The following TOGARAM2 variants were observed in gnomAD, a reference collection of about 807,000 sequenced individuals.
The protein encoded by TOGARAM2 is TOG array regulator of axonemal microtubules protein 2.
TOGARAM2 carries 85 observed loss-of-function variants against 93.3 expected under a neutral mutation model. The ratio of observed to expected loss-of-function variants is 0.91; its 90% CI spans 0.76 to 1.09. TOGARAM2 has a LOEUF of 1.09. Ranked by LOEUF, TOGARAM2 falls within the 50% of genes least tolerant of loss-of-function variation. The pLI, the probability that TOGARAM2 is intolerant of heterozygous loss-of-function variation, is 0.00. For missense variants in TOGARAM2, 1,277 were observed against 1,334.5 expected (o/e 0.96, Z 0.67); for synonymous variants, 593 against 552.8 (o/e 1.07, Z -1.02).
chr2:28,990,503 C>A (rs950949341), intron 1 of TOGARAM2, among the ~76,000 whole-genome samples: 5 of 152,224 alleles, frequency 3.3e-5, no homozygotes, highest in Non-Finnish European at 5.9e-5. Flanking sequence ...TGCCAGACCC[C>A]AGACTCACAG....
chr2:29,010,120 C>A (rs1310058872), intron 6 of TOGARAM2, among the ~76,000 whole-genome samples: 1 of 152,030 alleles, frequency 6.6e-6, no homozygotes, highest in Non-Finnish European at 1.5e-5. Flanking sequence ...GAGGCATAAG[C>A]ATTGGGGTTT....
chr2:28,961,527 G>A (rs1241087767), intron 1 of TOGARAM2, among the ~76,000 whole-genome samples: 1 of 152,090 alleles, frequency 6.6e-6, no homozygotes, highest in Non-Finnish European at 1.5e-5. Context: ...TTTTAGTAGA[G>A]ATGGGGTTTT....
intron 6 of TOGARAM2, among the ~76,000 whole-genome samples, chr2:29,005,705 ATGTG>A: frequency 7.8e-6 from 1 of 128,296 alleles, no homozygotes; most frequent in African/African-American, 3.0e-5. Context: ...GAGTGCGTGC[ATGTG>A]TGAGTGCATG....
At chr2:28,988,409 A>G (rs188657356) in intron 1 of TOGARAM2, among the ~76,000 whole-genome samples, 124 of 151,800 alleles carry the variant, frequency 8.2e-4, no homozygotes, top group African/African-American at 2.8e-3. Context: ...CCTCTGTAGG[A>G]CCCTTGGCTC....
At chr2:28,985,213 C>A (rs1190797320) in intron 1 of TOGARAM2, among the ~76,000 whole-genome samples, 1 of 152,110 alleles carries the variant, frequency 6.6e-6, no homozygotes, top group Non-Finnish European at 1.5e-5. Flanking sequence ...TCTCTCTCTG[C>A]CATGTGAGGA....
At chr2:28,975,433 C>A (rs1672013842) in intron 1 of TOGARAM2, among the ~76,000 whole-genome samples, 1 of 152,104 alleles carries the variant, frequency 6.6e-6, no homozygotes, top group African/African-American at 2.4e-5. Flanking sequence ...CGTGATCTGC[C>A]CGCCTCGGCC....
rs114193903 is a variant in TOGARAM2 at position 29,001,902 on chromosome 2, C to T, written c.428-634C>T. On this transcript the variant is annotated intron_variant, in intron 4 of 19. Transcript: ENST00000379558. ...CATCACTGATATTTACAAAGATAACCCTGAGCTCTTGGCCCAACCCAGTGC... is the reference window on the plus strand; with the variant it reads ...CATCACTGATATTTACAAAGATAACTCTGAGCTCTTGGCCCAACCCAGTGC... Among the ~76,000 whole-genome samples the T allele has an allele frequency of 2.1e-3, 326 of 151,990 alleles. 3 individuals are homozygous for T. The highest frequency in any genetic ancestry group is 7.6e-3 in the African/African-American group (313 of 41,422).
chr2:29,025,124 C>T (rs570981249), intron 13 of TOGARAM2, among the ~76,000 whole-genome samples: 2 of 152,262 alleles, frequency 1.3e-5, no homozygotes, highest in Admixed American at 1.3e-4. Flanking sequence ...AGCTGGGAGA[C>T]CTTTAGTAAT....
chr2:29,004,091 G>A (rs1259523065), intron 6 of TOGARAM2, among the ~76,000 whole-genome samples: 3 of 152,184 alleles, frequency 2.0e-5, no homozygotes, highest in African/African-American at 7.2e-5. Flanking sequence ...CGCCTCCCGG[G>A]TTCAAGCGAT....
intron 14 of TOGARAM2, among the ~76,000 whole-genome samples, chr2:29,030,853 A>G (rs184501175): frequency 2.6e-5 from 4 of 152,200 alleles, no homozygotes; most frequent in East Asian, 1.9e-4. Context: ...ATCAGTCCCC[A>G]TTTCTAAAGC....
intron 19 of TOGARAM2, chr2:29,045,936 GA>G (rs922572040): frequency 2.4e-5 from 4 of 166,734 alleles, no homozygotes; most frequent in African/African-American, 9.6e-5. Flanking sequence ...GTGTGAGTCA[GA>G]AAAAAGCCTC....
At chr2:28,973,441 C>CCTTTCCTTCCTTCCCTTCCCCTTCCCT (rs1558394769) in intron 1 of TOGARAM2, among the ~76,000 whole-genome samples, 1 of 39,068 alleles carries the variant, frequency 2.6e-5, no homozygotes, top group African/African-American at 7.7e-5. Flanking sequence ...CCTTCCCTTC[C>CCTTTCCTTCCTTCCCTTCCCCTTCCCT]CCTTCCTTCC....
At chr2:29,000,205 T>A (rs1673212690) in intron 4 of TOGARAM2, among the ~76,000 whole-genome samples, 1 of 152,200 alleles carries the variant, frequency 6.6e-6, no homozygotes. Flanking sequence ...GAGATCTCGG[T>A]GTGAGGCACA....
intron 1 of TOGARAM2, among the ~76,000 whole-genome samples, chr2:28,982,933 T>C (rs10176016): frequency 0.4 from 61,238 of 151,808 alleles, 14,302 homozygotes; most frequent in Middle Eastern, 0.55. Context: ...GCTACTAATT[T>C]TTCCTTGATT....
intron 19 of TOGARAM2, chr2:29,049,639 T>A (rs1315077104): frequency 1.3e-5 from 2 of 152,216 alleles, no homozygotes; most frequent in African/African-American, 4.8e-5. Context: ...CTCTTCCTAC[T>A]CAGCCTGTTT....
chr2:29,025,012 C>G (rs1330698221), intron 13 of TOGARAM2, among the ~76,000 whole-genome samples: 4 of 152,192 alleles, frequency 2.6e-5, no homozygotes, highest in Non-Finnish European at 5.9e-5. Context: ...AAAGCATTTC[C>G]CAAGCTGCTT....
upstream of TOGARAM2, among the ~76,000 whole-genome samples, chr2:28,979,690 G>C (rs1304250075): frequency 6.6e-6 from 1 of 152,242 alleles, no homozygotes; most frequent in Non-Finnish European, 1.5e-5. Flanking sequence ...TGGAGGCAGA[G>C]TGTGGAGAGC....
rs1302369734 is a variant in TOGARAM2, at chr2:28,999,343, A to T, written c.302A>T (p.Asp101Val). 1.2e-6 allele frequency: 2 copies of T among 1,613,464 alleles called. No individual in the cohort carries two copies. The highest frequency in any genetic ancestry group is 1.7e-6 in the Non-Finnish European group (2 of 1,179,756). ...PRNLRALSLG[D>V]QPLVLLPSPE... ...AACCTCAGGGCCTTGTCTTTGGGGG[A>T]CCAGCCCCTGGTGCTCCTCCCTTCT... The change falls in exon 4 of 20, where the codon GAC (aspartate) becomes GTC (valine). Residue 101 changes from aspartate (D) to valine (V), a missense_variant. By Grantham distance (152) the Asp-to-Val change is radical (BLOSUM62 -3). Coordinates refer to ENST00000379558, the MANE Select transcript of TOGARAM2 (RefSeq NM_199280.4).
At chr2:28,976,232 G>A (rs369934465) in intron 1 of TOGARAM2, among the ~76,000 whole-genome samples, 41 of 152,224 alleles carry the variant, frequency 2.7e-4, no homozygotes, top group African/African-American at 7.5e-4. Flanking sequence ...TTAGCCGGAC[G>A]TGGTGGCGGG....
Sources: allele counts gnomAD v4.1 joint callset (sites outside exome capture counted in the v4.1 genomes callset), GRCh38; gene constraint gnomAD v4.1.1; transcripts MANE v1.5; gene names NCBI Gene and HGNC (gene_info 2026-07-23, HGNC 2026-07-21).